The following COQ10A variants were observed in gnomAD, a reference collection of about 807,000 sequenced individuals.
COQ10A encodes coenzyme Q10A.
In COQ10A, 25 loss-of-function variants were observed where a neutral mutation model predicts 26.1. The ratio of observed to expected loss-of-function variants is 0.96; its 90% CI spans 0.70 to 1.34. The LOEUF is 1.34. COQ10A is among the 40% of genes most tolerant of loss of function. COQ10A has a pLI of 0.00. For missense variants in COQ10A, 312 were observed against 335.4 expected (o/e 0.93, Z 0.54); for synonymous variants, 132 against 124.0 (o/e 1.06, Z -0.43).
chr12:56,269,188 C>T lies in COQ10A; in HGVS notation c.411C>T (p.Gly137=), dbSNP rs1378585305. 1 of 1,614,138 alleles carries T rather than the reference C, an allele frequency of 6.2e-7. No individual in the cohort carries two copies. Among genetic ancestry groups the T allele is most frequent in the East Asian group, 2.2e-5 (1 of 44,878 alleles). ...ATTTGAAAGCCCAGCTGGAGGTTGGCTTTCCACCTGTCATGGAACGTTACA... is the reference window on the plus strand; with the variant it reads ...ATTTGAAAGCCCAGCTGGAGGTTGGTTTTCCACCTGTCATGGAACGTTACA... The part of the protein sequence containing the change: ...KGHLKAQLEV[G]FPPVMERYTS... The change falls in exon 3 of 5, where the codon GGC becomes GGT. Residue 137 remains glycine, a synonymous_variant. Transcript: ENST00000308197.
Position 56,267,792 on chromosome 12 carries a change from A to G in COQ10A, c.135-2A>G, listed in dbSNP as rs767238127. ...GTTGGCTCCTCTTTCCTTTGGCCTT[A>G]GGTTTCTGACCTCCTGCAGCCTCCT... On this transcript the variant is annotated splice_acceptor_variant, in intron 1 of 4. Coordinates refer to ENST00000308197, the MANE Select transcript of COQ10A (RefSeq NM_144576.4). LOFTEE classifies it high-confidence loss of function. 3.1e-6 allele frequency: 5 copies of G among 1,614,044 alleles called. No homozygotes were observed. In the East Asian group the frequency reaches 8.9e-5, roughly 29 times the overall value.
Position 56,270,416 on chromosome 12 carries a change from T to C in COQ10A, c.*99T>C, listed in dbSNP as rs141601501. The C allele has an allele frequency of 9.7e-4, 1,210 of 1,242,914 alleles. 7 individuals are homozygous for C. The African/African-American group carries it at 0.016, about 17-fold the overall frequency. 77.0% of individuals were successfully genotyped at this position (1,242,914 alleles called of 1,614,324 possible). A position where few individuals can be genotyped will look rare whatever the true frequency, so the allele number is the denominator to read the frequency against. On this transcript the variant is annotated 3_prime_UTR_variant, in exon 5 of 5. Transcript: ENST00000308197. ...CCTGTTCCAATTTGAAAGGAGTCTGTGTTCATAATACTGTTTCTCCTCTCA... is the reference window on the plus strand; with the variant it reads ...CCTGTTCCAATTTGAAAGGAGTCTGCGTTCATAATACTGTTTCTCCTCTCA...
At chr12:56,267,286 G>A in intron 1 of COQ10A, 34 bp downstream of exon 1, 1 of 1,588,048 alleles carries the variant, frequency 6.3e-7, no homozygotes, top group Non-Finnish European at 8.6e-7. Context: ...GAGGGCAGGG[G>A]GTCGCTGCGA....
At position 56,267,970 on chromosome 12, in the gene COQ10A, C is replaced by T. The variant is rs369484159; in HGVS notation, c.281+30C>T. The T allele has an allele frequency of 2.4e-4, 393 of 1,611,452 alleles. 1 individual carries two copies. Among genetic ancestry groups the T allele is most frequent in the Admixed American group, 6.3e-4 (38 of 59,962 alleles). On this transcript the variant is annotated intron_variant, in intron 2 of 4. Coordinates refer to ENST00000308197, the MANE Select transcript of COQ10A (RefSeq NM_144576.4). ...GCATTCTCTGCCTTGCATCCTTGCACCTCCCTTTTCCCTCCAAATAACCCT... is the reference window on the plus strand; with the variant it reads ...GCATTCTCTGCCTTGCATCCTTGCATCTCCCTTTTCCCTCCAAATAACCCT...
intron 1 of COQ10A, chr12:56,267,464 G>T (rs747173970): frequency 6.2e-7 from 1 of 1,613,382 alleles, no homozygotes; most frequent in Non-Finnish European, 8.5e-7. Context: ...TGGCCCTCGC[G>T]GGCGCCCTGG....
At position 56,266,974 on chromosome 12, in the gene COQ10A, C is replaced by T. The variant is rs1872365012; in HGVS notation, c.-145C>T. 2.4e-6 allele frequency: 2 copies of T among 838,136 alleles called. No homozygotes were observed. Among genetic ancestry groups the T allele is most frequent in the Middle Eastern group, 8.8e-4 (2 of 2,266 alleles). The allele number at this position is 838,136 out of a possible 1,614,324, so 51.9% of individuals were successfully genotyped here. ...GCCTACCCGGCAGCCTGGACGGGAG[C>T]AAGGCGAGAGGTGCTGCCGCCTCCC... On this transcript the variant is annotated 5_prime_UTR_variant, in exon 1 of 5. Transcript: ENST00000308197.
rs1238878520 is a variant in COQ10A, at chr12:56,269,214, C to T, written c.437C>T (p.Thr146Ile). Residue 146 changes from threonine (T) to isoleucine (I), a missense_variant, in exon 3 of 5, where the codon ACC becomes ATC. Transcript: ENST00000308197. Reference sequence around the variant, plus strand: ...TTTCCACCTGTCATGGAACGTTACACCTCTGCAGTTTCCATGGTCAAACCT... The same window carrying T: ...TTTCCACCTGTCATGGAACGTTACATCTCTGCAGTTTCCATGGTCAAACCT... ...VGFPPVMERY[T>I]SAVSMVKPHM... The T allele has an allele frequency of 6.2e-6, 10 of 1,614,092 alleles. No homozygotes were observed. Among genetic ancestry groups the T allele is most frequent in the Non-Finnish European group, 8.5e-6 (10 of 1,180,014 alleles).
intron 1 of COQ10A, 33 bp from the exon 2 acceptor site, chr12:56,267,761 T>C (rs1229035961): frequency 1.2e-5 from 20 of 1,613,852 alleles, no homozygotes; most frequent in Non-Finnish European, 1.6e-5. Context: ...TACGAAGAAC[T>C]ATACGGTTGG....
intron 1 of COQ10A, 105 bp downstream of exon 1, chr12:56,267,357 A>G (rs1872379609): frequency 1.2e-6 from 2 of 1,613,638 alleles, no homozygotes; most frequent in South Asian, 1.1e-5. Flanking sequence ...GGGGACTGGC[A>G]GCAATCATGC....
rs377391578 is a variant in COQ10A, at chr12:56,269,450, C to T, written c.475-10C>T. 6.2e-6 allele frequency: 10 copies of T among 1,604,486 alleles called. No individual in the cohort carries two copies. The highest frequency in any genetic ancestry group is 8.5e-6 in the Non-Finnish European group (10 of 1,171,462). ...TAATGTTATTTAACTACCTGATTACCCTATTCTAGGCTGTTTGTACTGATG... is the reference window on the plus strand; with the variant it reads ...TAATGTTATTTAACTACCTGATTACTCTATTCTAGGCTGTTTGTACTGATG... On this transcript the variant is annotated splice_polypyrimidine_tract_variant and intron_variant, in intron 3 of 4. Transcript: ENST00000308197.
In COQ10A at chr12:56,267,204, C is replaced by G; in HGVS notation, c.86C>G (p.Ala29Gly). 1 of 1,414,804 alleles carries G rather than the reference C, an allele frequency of 7.1e-7. No homozygotes were observed. The highest frequency in any genetic ancestry group is 9.2e-7 in the Non-Finnish European group (1 of 1,087,434). The allele number at this position is 1,414,804 out of a possible 1,614,324, so 87.6% of individuals were successfully genotyped here. Residue 29 changes from alanine to glycine, a missense_variant, in exon 1 of 5, where the codon GCG becomes GGG. Coordinates refer to ENST00000308197, the MANE Select transcript of COQ10A (RefSeq NM_144576.4). The stretch of plus-strand genomic sequence containing the variant: ...TGCCGGCTCTCGCTCAGCCCGGGCG[C>G]GCAACCGGCCCCGCCCCCAGGCCCT... ...RCCRLSLSPG[A>G]QPAPPPGPLP... is the part of the protein sequence containing the mutation.
In COQ10A at chr12:56,270,129, C is replaced by G. The variant is rs749590649; in HGVS notation, c.577-21C>G. ...TCCAACATGGTCTGGAAGTTTCTGA[C>G]TGTCTCTTACCCATTCCCAGATTTC... is the stretch of plus-strand genomic sequence containing the variant. On this transcript the variant is annotated intron_variant, in intron 4 of 4. Coordinates refer to ENST00000308197, the MANE Select transcript of COQ10A (RefSeq NM_144576.4). 6 of 1,607,408 alleles carry G rather than the reference C, an allele frequency of 3.7e-6. No individual in the cohort carries two copies. The Admixed American group carries it at 1.0e-4, about 27-fold the overall frequency.
At chr12:56,270,052 A>T in intron 4 of COQ10A, 98 bp from the exon 5 acceptor site, 1 of 1,215,004 alleles carries the variant, frequency 8.2e-7, no homozygotes, top group Non-Finnish European at 1.2e-6. Flanking sequence ...CTGGATGGGG[A>T]GGGGGAGAAA....
Position 56,270,279 on chromosome 12 carries a change from C to T in COQ10A, c.706C>T (p.Pro236Ser). 1 of 1,614,152 alleles carries T rather than the reference C, an allele frequency of 6.2e-7. No individual in the cohort carries two copies. Among genetic ancestry groups the T allele is most frequent in the South Asian group, 1.1e-5 (1 of 91,086 alleles). Residue 236 changes from proline (P) to serine (S), a missense_variant, in exon 5 of 5, where the codon CCC becomes TCC. Coordinates refer to ENST00000308197, the MANE Select transcript of COQ10A (RefSeq NM_144576.4). ...ATKFGPETAIPRELMFHEVHQ... is the reference protein window; with the variant it reads ...ATKFGPETAISRELMFHEVHQ... ...CAAGTTTGGTCCAGAAACAGCCATCCCCCGTGAACTGATGTTCCATGAGGT... is the reference window on the plus strand; with the variant it reads ...CAAGTTTGGTCCAGAAACAGCCATCTCCCGTGAACTGATGTTCCATGAGGT...
In COQ10A at chr12:56,267,203, G is replaced by T. The variant is rs1379876912; in HGVS notation, c.85G>T (p.Ala29Ser). The change falls in exon 1 of 5, where the codon GCG becomes TCG. Residue 29 changes from alanine (A) to serine (S), a missense_variant. Physicochemically the swap from Ala to Ser is moderately conservative, Grantham distance 99 (BLOSUM62 1). Transcript: ENST00000308197. ...CTGCCGGCTCTCGCTCAGCCCGGGC[G>T]CGCAACCGGCCCCGCCCCCAGGCCC... ...RCCRLSLSPG[A>S]QPAPPPGPLP... is the part of the protein sequence containing the mutation. 7.1e-7 allele frequency: 1 copy of T among 1,411,672 alleles called. No homozygotes were observed. The highest frequency in any genetic ancestry group is 9.2e-7 in the Non-Finnish European group (1 of 1,085,888). 87.4% of individuals were successfully genotyped at this position (1,411,672 alleles called of 1,614,324 possible). A position where few individuals can be genotyped will look rare whatever the true frequency, so the allele number is the denominator to read the frequency against.
At chr12:56,267,497 T>C in intron 1 of COQ10A, 1 of 1,588,184 alleles carries the variant, frequency 6.3e-7, no homozygotes, top group South Asian at 1.1e-5. Flanking sequence ...CAGTGATGCT[T>C]CCTTAAAGTC....
In COQ10A at chr12:56,268,999, T is replaced by C; in HGVS notation, c.282-60T>C. ...GGCAAAGGTATGAATTAGGGGCCTATAGCAAGGAGGAACCTGACCCAGCTG... is the reference window on the plus strand; with the variant it reads ...GGCAAAGGTATGAATTAGGGGCCTACAGCAAGGAGGAACCTGACCCAGCTG... On this transcript the variant is annotated intron_variant, in intron 2 of 4. Transcript: ENST00000308197. 2.1e-6 allele frequency: 3 copies of C among 1,459,208 alleles called. No homozygotes were observed. The South Asian group carries it at 3.5e-5, about 17-fold the overall frequency. 90.4% of individuals were successfully genotyped at this position (1,459,208 alleles called of 1,614,324 possible).
chr12:56,270,054 G>C (rs752681138), intron 4 of COQ10A, 96 bp from the exon 5 acceptor site: 26 of 1,249,480 alleles, frequency 2.1e-5, no homozygotes, highest in Admixed American at 3.7e-5. Context: ...GGATGGGGAG[G>C]GGGAGAAAAG....
chr12:56,267,348 G>T, intron 1 of COQ10A, 96 bp downstream of exon 1: 1 of 1,613,658 alleles, frequency 6.2e-7, no homozygotes, highest in African/African-American at 1.3e-5. Context: ...AGGCGCGGCG[G>T]GGACTGGCAG....
Sources: gnomAD v4.1 joint callset for allele counts on GRCh38, gnomAD v4.1.1 for gene constraint, MANE v1.5 for transcripts, NCBI Gene and HGNC (gene_info 2026-07-23, HGNC 2026-07-21) for gene names.